Variants in FAM169A observed in about 807,000 individuals in gnomAD.
FAM169A encodes family with sequence similarity 169 member A.
A neutral mutation model predicts 75.7 loss-of-function variants in FAM169A; 24 were observed. The ratio of observed to expected loss-of-function variants is 0.32; its 90% CI spans 0.23 to 0.45. The LOEUF (loss-of-function observed/expected upper bound fraction) is 0.45. FAM169A is among the 20% of genes least tolerant of loss of function. The probability of loss-of-function intolerance (pLI) is 1.00; values close to 1 mark genes in which losing one functional copy is unlikely to be tolerated. For missense variants in FAM169A, 673 were observed against 784.0 expected, an observed-to-expected ratio of 0.86 and a Z score of 1.69; for synonymous variants, 271 against 271.0, an observed-to-expected ratio of 1.00 and a Z score of 0.00.
chr5:74,824,125 T>G (rs1747897847), intron 5 of FAM169A, among the ~76,000 whole-genome samples: 1 of 152,124 alleles, frequency 6.6e-6, no homozygotes, highest in African/African-American at 2.4e-5. Flanking sequence ...AGAAATACAC[T>G]TCCTGGTATT....
chr5:74,855,432 G>C (rs964325666), intron 1 of FAM169A, among the ~76,000 whole-genome samples: 1 of 152,036 alleles, frequency 6.6e-6, no homozygotes, highest in Admixed American at 6.6e-5. Flanking sequence ...TCCTGAGCTC[G>C]AGCAATCTGC....
At chr5:74,795,194 G>T (rs749448583) in intron 11 of FAM169A, among the ~76,000 whole-genome samples, 1 of 151,428 alleles carries the variant, frequency 6.6e-6, no homozygotes, top group South Asian at 2.1e-4. Flanking sequence ...GGAAGCAGAG[G>T]TTGCAGTGAG....
chr5:74,812,647 C>G (rs528711650), intron 6 of FAM169A, among the ~76,000 whole-genome samples: 69 of 151,490 alleles, frequency 4.6e-4, no homozygotes, highest in Non-Finnish European at 7.5e-4. Flanking sequence ...AACAAATAAC[C>G]CCCCCCCAAA....
rs1223790932 is a variant in FAM169A at position 74,801,036 on chromosome 5, G to A, written c.953-6C>T. 5 of 1,525,294 alleles carry A rather than the reference G, an allele frequency of 3.3e-6. No individual in the cohort carries two copies. The highest frequency in any genetic ancestry group is 4.4e-6 in the Non-Finnish European group (5 of 1,138,282). The allele number at this position is 1,525,294 out of a possible 1,614,324, so 94.5% of individuals were successfully genotyped here. The stretch of plus-strand genomic sequence containing the variant: ...AACAGATGTTTTATCATGACCTGAG[G>A]AGAAAAACAGCAAAACTGCACTTAA... On this transcript the variant is annotated splice_region_variant and splice_polypyrimidine_tract_variant and intron_variant, in intron 9 of 12. Transcript: ENST00000687041.
At chr5:74,863,242 C>CT (rs1750134889) in intron 1 of FAM169A, among the ~76,000 whole-genome samples, 1 of 152,110 alleles carries the variant, frequency 6.6e-6, no homozygotes, top group Admixed American at 6.6e-5. Context: ...ATCATCACAC[C>CT]TTTTCCTTAA....
At chr5:74,803,002 A>G (rs1430700593) in intron 8 of FAM169A, among the ~76,000 whole-genome samples, 1 of 152,162 alleles carries the variant, frequency 6.6e-6, no homozygotes, top group African/African-American at 2.4e-5. Context: ...GTGGCTACTA[A>G]CAAAAAGAGA....
At chr5:74,845,987 T>C (rs1749136452) in intron 1 of FAM169A, among the ~76,000 whole-genome samples, 1 of 152,178 alleles carries the variant, frequency 6.6e-6, no homozygotes, top group Non-Finnish European at 1.5e-5. Context: ...AAATTGTAGA[T>C]GAAATTATAA....
intron 1 of FAM169A, among the ~76,000 whole-genome samples, chr5:74,843,327 C>T (rs1468234568): frequency 2.6e-5 from 4 of 152,050 alleles, no homozygotes; most frequent in Non-Finnish European, 5.9e-5. Context: ...AATGAAATAC[C>T]TTTAAGGTTT....
At chr5:74,847,340 C>G (rs370653214) in intron 1 of FAM169A, among the ~76,000 whole-genome samples, 4 of 151,142 alleles carry the variant, frequency 2.6e-5, no homozygotes, top group Non-Finnish European at 4.4e-5. Flanking sequence ...TTCCTGTCTA[C>G]GAATTGGACT....
At chr5:74,807,286 A>C (rs1485100695) in intron 6 of FAM169A, among the ~76,000 whole-genome samples, 1 of 152,162 alleles carries the variant, frequency 6.6e-6, no homozygotes, top group Non-Finnish European at 1.5e-5. Context: ...GCCGGGCAAA[A>C]TCATCTAACA....
intron 5 of FAM169A, among the ~76,000 whole-genome samples, chr5:74,817,211 AAAAG>A (rs1286153918): frequency 6.6e-6 from 1 of 152,242 alleles, no homozygotes; most frequent in African/African-American, 2.4e-5. Flanking sequence ...TTAGGCAAGA[AAAAG>A]AAAGAAAAGG....
intron 1 of FAM169A, among the ~76,000 whole-genome samples, chr5:74,842,420 C>CAA (rs56653446): frequency 0.014 from 324 of 22,472 alleles, 118 homozygotes; most frequent in East Asian, 0.05. Context: ...GACTCTATCA[C>CAA]AAAAAAAAAA....
At chr5:74,827,753 C>A (rs910124350) in intron 5 of FAM169A, among the ~76,000 whole-genome samples, 5 of 151,310 alleles carry the variant, frequency 3.3e-5, no homozygotes, top group Admixed American at 2.0e-4. Context: ...ACCTCCACCT[C>A]CCGGGTTAAA....
intron 11 of FAM169A, among the ~76,000 whole-genome samples, chr5:74,787,884 A>T (rs1032839103): frequency 8.3e-5 from 10 of 120,494 alleles, no homozygotes; most frequent in South Asian, 2.1e-4. Flanking sequence ...CTGAATTATT[A>T]AAAAAAAGAG....
intron 11 of FAM169A, among the ~76,000 whole-genome samples, chr5:74,790,726 A>G (rs1745932216): frequency 6.6e-6 from 1 of 152,194 alleles, no homozygotes; most frequent in Admixed American, 6.5e-5. Flanking sequence ...TGGGCTCAGC[A>G]ACATGGACTT....
chr5:74,782,837 A>G (rs1490761409), intron 12 of FAM169A, 94 bp downstream of exon 12: 3 of 789,794 alleles, frequency 3.8e-6, no homozygotes, highest in Admixed American at 2.8e-5. Context: ...CTGTACATGT[A>G]AAGGTGGAAG....
At chr5:74,803,072 G>A (rs1188586196) in intron 8 of FAM169A, among the ~76,000 whole-genome samples, 2 of 151,984 alleles carry the variant, frequency 1.3e-5, no homozygotes, top group East Asian at 3.9e-4. Flanking sequence ...AAAGTAATAT[G>A]AAGAATATGA....
At chr5:74,825,678 G>A (rs914765287) in intron 5 of FAM169A, among the ~76,000 whole-genome samples, 9 of 151,994 alleles carry the variant, frequency 5.9e-5, no homozygotes, top group African/African-American at 9.7e-5. Context: ...TTAATTTGAC[G>A]GGGCACAGAA....
At chr5:74,792,764 G>A (rs1444743567) in intron 11 of FAM169A, among the ~76,000 whole-genome samples, 1 of 152,164 alleles carries the variant, frequency 6.6e-6, no homozygotes, top group Non-Finnish European at 1.5e-5. Context: ...TGCTGGAGTG[G>A]ATATGGTGAA....
Sources: allele counts gnomAD v4.1 joint callset (sites outside exome capture counted in the v4.1 genomes callset), GRCh38; gene constraint gnomAD v4.1.1; transcripts MANE v1.5; gene names NCBI Gene and HGNC (gene_info 2026-07-23, HGNC 2026-07-21).